The following SMYD3 variants were observed in gnomAD, a reference collection of about 807,000 sequenced individuals.
The protein encoded by SMYD3 is SET and MYND domain containing 3, also known as histone-lysine N-methyltransferase SMYD3.
SMYD3 carries 36 observed loss-of-function variants against 57.7 expected under a neutral mutation model. The ratio of observed to expected loss-of-function variants is 0.62; its 90% CI spans 0.48 to 0.82. SMYD3 has a LOEUF of 0.82. Ranked by LOEUF, SMYD3 falls within the 40% of genes least tolerant of loss-of-function variation. The pLI, the probability that SMYD3 is intolerant of heterozygous loss-of-function variation, is 0.00. For missense variants in SMYD3, 515 were observed against 538.8 expected, an observed-to-expected ratio of 0.96 and a Z score of 0.44; for synonymous variants, 211 against 195.0, an observed-to-expected ratio of 1.08 and a Z score of -0.68.
chr1:246,104,075 T>C (rs2147947128), intron 5 of SMYD3, among the ~76,000 whole-genome samples: 1 of 152,306 alleles, frequency 6.6e-6, no homozygotes, highest in African/African-American at 2.4e-5. Context: ...TAGTTCTAGC[T>C]CCACTCTAAA....
intron 5 of SMYD3, among the ~76,000 whole-genome samples, chr1:246,140,221 T>C (rs2061731082): frequency 2.0e-5 from 3 of 152,230 alleles, no homozygotes; most frequent in African/African-American, 7.2e-5. Context: ...TGATGGGTTC[T>C]GGGGATCAGG....
chr1:245,762,733 C>T (rs1163815896), intron 11 of SMYD3, among the ~76,000 whole-genome samples: 2 of 152,222 alleles, frequency 1.3e-5, no homozygotes, highest in Non-Finnish European at 2.9e-5. Flanking sequence ...TGGAATCTGG[C>T]TTTTAAGAAT....
At chr1:245,818,807 A>T (rs1225219714) in intron 10 of SMYD3, among the ~76,000 whole-genome samples, 3 of 151,872 alleles carry the variant, frequency 2.0e-5, no homozygotes, top group East Asian at 3.9e-4. Context: ...AGGCCATTAC[A>T]TAATGGTAAA....
intron 10 of SMYD3, among the ~76,000 whole-genome samples, chr1:245,770,457 C>T (rs1411031473): frequency 1.3e-5 from 2 of 152,206 alleles, no homozygotes; most frequent in African/African-American, 2.4e-5. Context: ...GCAGCCATTA[C>T]AAAGAATGAA....
intron 5 of SMYD3, among the ~76,000 whole-genome samples, chr1:246,006,441 C>A (rs1182335255): frequency 6.6e-6 from 1 of 152,068 alleles, no homozygotes; most frequent in Admixed American, 6.5e-5. Flanking sequence ...CTCCCTGTTT[C>A]CCAGACGGAA....
intron 10 of SMYD3, among the ~76,000 whole-genome samples, chr1:245,793,569 T>TA (rs1451818089): frequency 6.6e-6 from 1 of 151,968 alleles, no homozygotes; most frequent in East Asian, 1.9e-4. Context: ...TAGCACACAC[T>TA]ACTGTTTACC....
At chr1:246,259,942 C>G (rs1027141486) in intron 5 of SMYD3, among the ~76,000 whole-genome samples, 4 of 152,212 alleles carry the variant, frequency 2.6e-5, no homozygotes, top group African/African-American at 4.8e-5. Flanking sequence ...ACTCCAAATC[C>G]AGAAGAGCTC....
At chr1:246,392,561 G>A (rs1181377341) in intron 1 of SMYD3, among the ~76,000 whole-genome samples, 1 of 151,872 alleles carries the variant, frequency 6.6e-6, no homozygotes, top group Admixed American at 6.6e-5. Flanking sequence ...GATCCTCCCA[G>A]GTTCACCTCC....
intron 5 of SMYD3, among the ~76,000 whole-genome samples, chr1:246,036,152 G>A (rs1031427351): frequency 3.3e-5 from 5 of 152,134 alleles, no homozygotes; most frequent in Non-Finnish European, 7.4e-5. Flanking sequence ...GAGGAGACAG[G>A]GCTTCCTCCT....
At chr1:246,328,378 G>A (rs1027262005) in intron 4 of SMYD3, among the ~76,000 whole-genome samples, 1 of 152,192 alleles carries the variant, frequency 6.6e-6, no homozygotes, top group African/African-American at 2.4e-5. Context: ...TAACATGTGA[G>A]AGCATTTCAC....
At position 245,858,509 on chromosome 1, in the gene SMYD3, T is replaced by C. The variant is rs1235722186; in HGVS notation, c.1063A>G (p.Met355Val). The change falls in exon 10 of 12, where the codon ATG (methionine) becomes GTG (valine). Residue 355 changes from methionine (M) to valine (V), a missense_variant. Transcript: ENST00000490107. ...EEALFYGTRT[M>V]EPYRIFFPGS... ...CCTGGGACTTGCCTGTATGGCTCCATGGTCCGAGTACCATAGAACAAGGCT... is the reference window on the plus strand; with the variant it reads ...CCTGGGACTTGCCTGTATGGCTCCACGGTCCGAGTACCATAGAACAAGGCT... 1.2e-6 allele frequency: 2 copies of C among 1,613,884 alleles called. No individual in the cohort carries two copies. The highest frequency in any genetic ancestry group is 1.1e-5 in the South Asian group (1 of 90,984).
intron 5 of SMYD3, among the ~76,000 whole-genome samples, chr1:246,115,227 G>A (rs779177635): frequency 1.2e-4 from 18 of 152,208 alleles, no homozygotes; most frequent in African/African-American, 2.4e-5. Flanking sequence ...CTGAAGCTGG[G>A]ACAGGACCAG....
intron 5 of SMYD3, among the ~76,000 whole-genome samples, chr1:246,258,338 C>T (rs12136593): frequency 6.6e-6 from 1 of 151,938 alleles, no homozygotes; most frequent in Non-Finnish European, 1.5e-5. Context: ...CCTGGCCTCA[C>T]GTATTTCTTT....
chr1:245,786,093 T>TAA (rs1553321265), intron 10 of SMYD3, among the ~76,000 whole-genome samples: 6 of 140,136 alleles, frequency 4.3e-5, no homozygotes, highest in African/African-American at 1.7e-4. Flanking sequence ...TTTTTTTTTT[T>TAA]AAAAAGCAAT....
intron 5 of SMYD3, among the ~76,000 whole-genome samples, chr1:246,122,335 C>G (rs1167960806): frequency 1.3e-5 from 2 of 152,140 alleles, no homozygotes; most frequent in African/African-American, 4.8e-5. Context: ...TCACCTGAGC[C>G]CAGGTGTTTG....
chr1:246,449,233 G>GAA (rs2095487239), intron 1 of SMYD3, among the ~76,000 whole-genome samples: 1 of 151,638 alleles, frequency 6.6e-6, no homozygotes, highest in South Asian at 2.1e-4. Flanking sequence ...CCTATCTCCA[G>GAA]AAAAAAAATA....
chr1:246,344,819 T>C (rs1047966282), intron 2 of SMYD3, among the ~76,000 whole-genome samples: 1 of 152,224 alleles, frequency 6.6e-6, no homozygotes, highest in African/African-American at 2.4e-5. Flanking sequence ...ATTTATCTGG[T>C]GACCAGTGAC....
chr1:246,351,541 T>G (rs1338542812), intron 2 of SMYD3, among the ~76,000 whole-genome samples: 2 of 152,172 alleles, frequency 1.3e-5, no homozygotes, highest in African/African-American at 4.8e-5. Flanking sequence ...GATAGACACC[T>G]GATAATAAGG....
intron 5 of SMYD3, among the ~76,000 whole-genome samples, chr1:246,304,589 A>T (rs1372874782): frequency 6.6e-6 from 1 of 152,188 alleles, no homozygotes; most frequent in African/African-American, 2.4e-5. Context: ...AGCCAAGTAA[A>T]GCAAGCCCAA....
Sources: allele counts gnomAD v4.1 joint callset (sites outside exome capture counted in the v4.1 genomes callset), GRCh38; gene constraint gnomAD v4.1.1; transcripts MANE v1.5; gene names NCBI Gene and HGNC (gene_info 2026-07-23, HGNC 2026-07-21).